ATRNL1: variants seen among roughly 807,000 people sequenced by gnomAD.
The protein encoded by ATRNL1 is attractin-like protein 1.
Under a neutral mutation model 182.7 loss-of-function variants are expected in ATRNL1, and 95 were observed. The observed-to-expected ratio is 0.52, with a 90% CI of 0.44 to 0.62. The LOEUF is 0.62. ATRNL1 is among the 20% of genes least tolerant of loss of function. ATRNL1 has a pLI of 0.00. For synonymous variants in ATRNL1, 576 were observed against 568.3 expected, an observed-to-expected ratio of 1.01 and a Z score of -0.19; for missense variants, 1,471 against 1,679.5, an observed-to-expected ratio of 0.88 and a Z score of 2.17.
intron 26 of ATRNL1, among the ~76,000 whole-genome samples, chr10:115,591,793 G>A (rs576315589): frequency 6.6e-6 from 1 of 152,264 alleles, no homozygotes; most frequent in South Asian, 2.1e-4. Flanking sequence ...ACTACCATTT[G>A]ATGATTGGGT....
intron 26 of ATRNL1, among the ~76,000 whole-genome samples, chr10:115,630,841 C>G (rs1222364362): frequency 7.5e-6 from 1 of 132,654 alleles, no homozygotes; most frequent in East Asian, 2.1e-4. Flanking sequence ...CACACACACA[C>G]ACACACACAC....
intron 3 of ATRNL1, among the ~76,000 whole-genome samples, chr10:115,122,385 TTTAGA>T (rs1362774710): frequency 1.4e-4 from 21 of 151,944 alleles, no homozygotes; most frequent in African/African-American, 4.8e-4. Flanking sequence ...CTTGTGTATG[TTTAGA>T]TTATTATAAA....
At chr10:115,125,557 T>A (rs1308514982) in intron 3 of ATRNL1, among the ~76,000 whole-genome samples, 1 of 151,878 alleles carries the variant, frequency 6.6e-6, no homozygotes, top group African/African-American at 2.4e-5. Flanking sequence ...GTTTGGAAAA[T>A]CATATATAGT....
At chr10:115,870,315 T>A (rs940173666) in intron 28 of ATRNL1, among the ~76,000 whole-genome samples, 2 of 152,256 alleles carry the variant, frequency 1.3e-5, no homozygotes, top group Non-Finnish European at 2.9e-5. Context: ...TATTGGCTCC[T>A]GCCTTTGGCA....
intron 15 of ATRNL1, among the ~76,000 whole-genome samples, chr10:115,290,074 T>TG (rs1852819813): frequency 1.1e-4 from 1 of 9,482 alleles, no homozygotes. Flanking sequence ...TGTTTTGTAG[T>TG]TTTTTTTTTT....
intron 25 of ATRNL1, among the ~76,000 whole-genome samples, chr10:115,542,807 G>T (rs1404397028): frequency 2.0e-5 from 3 of 152,082 alleles, no homozygotes; most frequent in Non-Finnish European, 2.9e-5. Flanking sequence ...GTTGGTTTCT[G>T]GTAAAACCTC....
intron 27 of ATRNL1, among the ~76,000 whole-genome samples, chr10:115,738,154 T>C (rs112155154): frequency 0.037 from 2,359 of 63,408 alleles, 181 homozygotes; most frequent in East Asian, 0.082. Context: ...TTTTTTTTTT[T>C]TTGAGATGGA....
chr10:115,419,974 C>A (rs144533413), intron 20 of ATRNL1, among the ~76,000 whole-genome samples: 2 of 151,886 alleles, frequency 1.3e-5, no homozygotes, highest in Admixed American at 1.3e-4. Context: ...GCACAGTCTT[C>A]TCAACAGCAC....
intron 26 of ATRNL1, among the ~76,000 whole-genome samples, chr10:115,599,798 C>T (rs1856489436): frequency 6.6e-6 from 1 of 152,122 alleles, no homozygotes; most frequent in African/African-American, 2.4e-5. Flanking sequence ...CACTCTATAA[C>T]AATGTGCTAA....
At chr10:115,700,015 G>T (rs571439370) in intron 26 of ATRNL1, among the ~76,000 whole-genome samples, 18 of 152,270 alleles carry the variant, frequency 1.2e-4, no homozygotes, top group African/African-American at 4.3e-4. Flanking sequence ...CAAAGGACAA[G>T]ATTTCATTCA....
chr10:115,701,848 C>T (rs1041577678), intron 26 of ATRNL1, among the ~76,000 whole-genome samples: 2 of 151,980 alleles, frequency 1.3e-5, no homozygotes, highest in Admixed American at 6.6e-5. Context: ...GATTGATTCA[C>T]AGCTGAATTC....
At chr10:115,468,289 T>A (rs1848147336) in intron 23 of ATRNL1, among the ~76,000 whole-genome samples, 1 of 150,812 alleles carries the variant, frequency 6.6e-6, no homozygotes, top group Admixed American at 6.6e-5. Context: ...TATAATACAT[T>A]TCTAATCACT....
chr10:115,812,167 AT>A (rs1457195327), intron 27 of ATRNL1, among the ~76,000 whole-genome samples: 3 of 152,080 alleles, frequency 2.0e-5, no homozygotes, highest in African/African-American at 7.2e-5. Context: ...ATATATTTAT[AT>A]TTAAAAATAG....
intron 19 of ATRNL1, among the ~76,000 whole-genome samples, chr10:115,365,898 A>G (rs113107109): frequency 1.3e-5 from 2 of 151,938 alleles, no homozygotes; most frequent in Non-Finnish European, 2.9e-5. Context: ...GTTTGTTATA[A>G]TCTCTGTTCT....
intron 28 of ATRNL1, among the ~76,000 whole-genome samples, chr10:115,897,679 C>T (rs1306974487): frequency 6.6e-6 from 1 of 152,072 alleles, no homozygotes; most frequent in African/African-American, 2.4e-5. Flanking sequence ...ATGCTGAGCC[C>T]AGGCTGCCAG....
intron 24 of ATRNL1, among the ~76,000 whole-genome samples, chr10:115,471,249 C>T (rs1848297902): frequency 6.6e-6 from 1 of 150,760 alleles, no homozygotes; most frequent in African/African-American, 2.4e-5. Flanking sequence ...TTTCATCTAT[C>T]CATGGACACA....
chr10:115,898,014 T>A (rs2134480972), intron 28 of ATRNL1, among the ~76,000 whole-genome samples: 1 of 152,012 alleles, frequency 6.6e-6, no homozygotes, highest in East Asian at 1.9e-4. Flanking sequence ...CAACCTCCCG[T>A]CTTCCCGGGT....
chr10:115,404,594 A>C (rs139890864), intron 20 of ATRNL1, among the ~76,000 whole-genome samples: 1,779 of 152,296 alleles, frequency 0.012, 12 homozygotes, highest in Middle Eastern at 0.017. Context: ...TGAGATTTTA[A>C]GGTTGCTTGC....
intron 28 of ATRNL1, among the ~76,000 whole-genome samples, chr10:115,888,560 C>A (rs1952006958): frequency 6.6e-6 from 1 of 152,162 alleles, no homozygotes; most frequent in Non-Finnish European, 1.5e-5. Context: ...AAGGAACAAC[C>A]CCTCAATATG....
Sources: gnomAD v4.1 joint callset for allele counts (sites outside exome capture counted in the v4.1 genomes callset) on GRCh38, gnomAD v4.1.1 for gene constraint, MANE v1.5 for transcripts, NCBI Gene and HGNC (gene_info 2026-07-23, HGNC 2026-07-21) for gene names.